PLEKHA7: variants seen among roughly 807,000 people sequenced by gnomAD.
PLEKHA7 encodes the protein pleckstrin homology domain containing A7.
Under a neutral mutation model 170.0 loss-of-function variants are expected in PLEKHA7, and 104 were observed. The ratio of observed to expected loss-of-function variants is 0.61; its 90% CI spans 0.52 to 0.72. The LOEUF (loss-of-function observed/expected upper bound fraction) is 0.72, where lower values mean the gene tolerates loss of function less well. Ranked by LOEUF, PLEKHA7 falls within the 30% of genes least tolerant of loss-of-function variation. The pLI is 0.00. For missense variants in PLEKHA7, 1,615 were observed against 1,671.7 expected, an observed-to-expected ratio of 0.97 and a Z score of 0.59; for synonymous variants, 648 against 660.8, an observed-to-expected ratio of 0.98 and a Z score of 0.30.
In PLEKHA7 at chr11:16,803,405, G is replaced by A; in HGVS notation, c.2008-110C>T. 2.6e-6 allele frequency: 3 copies of A among 1,138,494 alleles called. No homozygotes were observed. The Admixed American group carries it at 5.7e-5, about 22-fold the overall frequency. The allele number at this position is 1,138,494 out of a possible 1,614,324, so 70.5% of individuals were successfully genotyped here. On this transcript the variant is annotated intron_variant, in intron 13 of 26. Coordinates refer to ENST00000531066, the MANE Select transcript of PLEKHA7 (RefSeq NM_001329630.2). ...GTGTGGAAGTCCTTGGCAGTGGCAG[G>A]TAGGGTCATAGTATGAGAGGGACAA...
At chr11:16,859,491 A>T (rs1189622495) in intron 4 of PLEKHA7, among the ~76,000 whole-genome samples, 1 of 152,214 alleles carries the variant, frequency 6.6e-6, no homozygotes, top group East Asian at 1.9e-4. Context: ...TCTAGTGGTG[A>T]TTTACCACAA....
chr11:17,010,401 G>GAAAGAC (rs1865255982), intron 3 of PLEKHA7, among the ~76,000 whole-genome samples: 1 of 149,262 alleles, frequency 6.7e-6, no homozygotes, highest in Admixed American at 6.7e-5. Flanking sequence ...AAAAAAAAAA[G>GAAAGAC]AAAGAAAAAG....
chr11:16,930,746 C>T (rs1031788294), intron 3 of PLEKHA7, among the ~76,000 whole-genome samples: 2 of 152,184 alleles, frequency 1.3e-5, no homozygotes, highest in African/African-American at 4.8e-5. Flanking sequence ...GAGGAAAATA[C>T]AAACATTAAA....
intron 3 of PLEKHA7, among the ~76,000 whole-genome samples, chr11:16,908,765 G>A (rs1858042138): frequency 6.6e-6 from 1 of 152,124 alleles, no homozygotes; most frequent in Non-Finnish European, 1.5e-5. Flanking sequence ...CGAAGTGCTG[G>A]GATTACAGGC....
At chr11:16,782,651 G>A in intron 26 of PLEKHA7, 103 bp downstream of exon 26, 1 of 1,419,334 alleles carries the variant, frequency 7.0e-7, no homozygotes, top group Non-Finnish European at 9.4e-7. Context: ...TACCATCCTT[G>A]ACACCTGGTT....
At chr11:16,787,324 T>A (rs1224260602) in intron 23 of PLEKHA7, 2 of 741,810 alleles carry the variant, frequency 2.7e-6, no homozygotes, top group Admixed American at 1.3e-4. Context: ...ATGGTCCTGA[T>A]TGTCTTTGAT....
At chr11:16,987,198 A>C in intron 3 of PLEKHA7, among the ~76,000 whole-genome samples, 3 of 150,852 alleles carry the variant, frequency 2.0e-5, no homozygotes, top group African/African-American at 4.9e-5. Context: ...CCTTGGAAAA[A>C]CCTCAGTCCC....
intron 3 of PLEKHA7, among the ~76,000 whole-genome samples, chr11:16,955,023 G>C (rs965757207): frequency 1.3e-5 from 2 of 152,098 alleles, no homozygotes; most frequent in Non-Finnish European, 2.9e-5. Context: ...TGTTTCATTT[G>C]AAACAGTTTT....
chr11:16,946,809 A>G (rs768629440), intron 3 of PLEKHA7, among the ~76,000 whole-genome samples: 3 of 152,124 alleles, frequency 2.0e-5, no homozygotes, highest in Non-Finnish European at 4.4e-5. Flanking sequence ...CCCCACAGAG[A>G]CAACCTAGGG....
chr11:16,994,423 C>T (rs1864221114), intron 3 of PLEKHA7, among the ~76,000 whole-genome samples: 1 of 152,158 alleles, frequency 6.6e-6, no homozygotes, highest in Non-Finnish European at 1.5e-5. Flanking sequence ...GGGCCACCTG[C>T]TTTCTCCTTG....
At chr11:17,010,861 T>G (rs1418943426) in intron 3 of PLEKHA7, among the ~76,000 whole-genome samples, 1 of 151,370 alleles carries the variant, frequency 6.6e-6, no homozygotes, top group African/African-American at 2.4e-5. Flanking sequence ...ATTTTTCATG[T>G]GGGGGGCGGG....
chr11:16,965,458 C>T (rs1456931546), intron 3 of PLEKHA7, among the ~76,000 whole-genome samples: 1 of 152,144 alleles, frequency 6.6e-6, no homozygotes, highest in Non-Finnish European at 1.5e-5. Context: ...CAAAACCCAC[C>T]ACCCTCATCC....
rs1554964897 is a variant in PLEKHA7 at position 16,892,435 on chromosome 11, T to TGTGTG, written c.222-21254_222-21253insCACAC. Reference sequence around the variant, plus strand: ...GTGTGTGTGTGTGTGTGTGTGTGTGTTTTGTTTTGTTTTGTTTTGTTTTGT... The same window carrying TGTGTG: ...GTGTGTGTGTGTGTGTGTGTGTGTGTGTGTGTTTGTTTTGTTTTGTTTTGTTTTGT... On this transcript the variant is annotated intron_variant, in intron 3 of 26. Transcript: ENST00000531066. Among the ~76,000 whole-genome samples the TGTGTG allele has an allele frequency of 1.3e-3, 131 of 98,402 alleles. 1 individual carries two copies. The highest frequency in any genetic ancestry group is 9.0e-3 in the Middle Eastern group (2 of 222). The allele number at this position is 98,402 out of a possible 152,430, so 64.6% of individuals were successfully genotyped here.
intron 9 of PLEKHA7, among the ~76,000 whole-genome samples, chr11:16,831,894 A>G (rs918256134): frequency 3.3e-5 from 5 of 152,150 alleles, no homozygotes; most frequent in African/African-American, 9.6e-5. Context: ...CCTTGCCCCA[A>G]TTTTTTGAAA....
At chr11:16,901,823 TCA>T (rs528640942) in intron 3 of PLEKHA7, among the ~76,000 whole-genome samples, 8 of 152,126 alleles carry the variant, frequency 5.3e-5, no homozygotes, top group Non-Finnish European at 1.2e-4. Flanking sequence ...TGAGTGGAAA[TCA>T]CACAGTGCAC....
intron 8 of PLEKHA7, 112 bp downstream of exon 8, chr11:16,851,079 G>C (rs1199934995): frequency 1.1e-5 from 8 of 705,734 alleles, no homozygotes; most frequent in Non-Finnish European, 1.6e-5. Context: ...ACCGGAATCT[G>C]AAACTCTCTA....
At chr11:16,938,368 T>G (rs570243206) in intron 3 of PLEKHA7, among the ~76,000 whole-genome samples, 3 of 152,294 alleles carry the variant, frequency 2.0e-5, no homozygotes, top group Non-Finnish European at 4.4e-5. Flanking sequence ...CCATAGCCCC[T>G]TTATCATGTA....
intron 3 of PLEKHA7, among the ~76,000 whole-genome samples, chr11:16,882,826 T>C (rs2135810852): frequency 6.6e-6 from 1 of 152,252 alleles, no homozygotes; most frequent in East Asian, 1.9e-4. Flanking sequence ...CATAAGTACA[T>C]ATAAATATAT....
At chr11:16,855,541 C>T (rs373713921) in intron 5 of PLEKHA7, 1 of 437,936 alleles carries the variant, frequency 2.3e-6, no homozygotes, top group African/African-American at 2.0e-5. Flanking sequence ...AGAAACGTGG[C>T]CCTCCCAACC....
Sources: gnomAD v4.1 joint callset for allele counts (sites outside exome capture counted in the v4.1 genomes callset) on GRCh38, gnomAD v4.1.1 for gene constraint, MANE v1.5 for transcripts, NCBI Gene and HGNC (gene_info 2026-07-23, HGNC 2026-07-21) for gene names.